Variants in DMD observed in about 807,000 individuals in gnomAD.
DMD encodes the protein mutant dystrophin.
DMD carries 63 observed loss-of-function variants against 330.1 expected under a neutral mutation model. The observed-to-expected ratio is 0.19, with a 90% CI of 0.16 to 0.24. DMD has a LOEUF of 0.24. Among genes scored for constraint, DMD ranks in the 10% least tolerant of loss-of-function variants. DMD has a pLI of 1.00. For synonymous variants in DMD, 1,223 were observed against 959.8 expected, an observed-to-expected ratio of 1.27 and a Z score of -5.07; for missense variants, 3,344 against 2,684.1, an observed-to-expected ratio of 1.25 and a Z score of -5.43.
intron 2 of DMD, among the ~76,000 whole-genome samples, chrX:32,916,063 A>T (rs1219118260): frequency 9.0e-6 from 1 of 111,443 alleles, no homozygotes; most frequent in Non-Finnish European, 1.9e-5. Flanking sequence ...TACTTCTAGT[A>T]TTCAGAAGAG....
chrX:32,528,842 A>G (rs1372533184), intron 17 of DMD, among the ~76,000 whole-genome samples: 2 of 107,046 alleles, frequency 1.9e-5, no homozygotes, highest in Non-Finnish European at 3.9e-5. Context: ...AAATTTACCT[A>G]CAGCCTGGAA....
chrX:31,432,629 T>C (rs1182177883), intron 60 of DMD, among the ~76,000 whole-genome samples: 1 of 111,633 alleles, frequency 9.0e-6, no homozygotes, highest in African/African-American at 3.3e-5. Flanking sequence ...CAAATGCCTT[T>C]ATTAGAATAA....
chrX:33,054,401 A>G (rs1463462574), intron 1 of DMD, among the ~76,000 whole-genome samples: 1 of 112,094 alleles, frequency 8.9e-6, no homozygotes, highest in African/African-American at 3.2e-5. Context: ...ACTGATCACA[A>G]TAGACTTTGT....
At chrX:33,113,080 T>C (rs1283706943) in intron 1 of DMD, among the ~76,000 whole-genome samples, 1 of 105,834 alleles carries the variant, frequency 9.4e-6, no homozygotes, top group Non-Finnish European at 1.9e-5. Context: ...TGAGATGGAA[T>C]TTTGCTCTTG....
chrX:33,057,918 A>G (rs921387489), intron 1 of DMD, among the ~76,000 whole-genome samples: 3 of 111,779 alleles, frequency 2.7e-5, no homozygotes, highest in Non-Finnish European at 5.6e-5. Flanking sequence ...TCGCTCTGTC[A>G]CCCAGGCTGA....
chrX:32,376,173 C>A (rs866197436), intron 34 of DMD, among the ~76,000 whole-genome samples: 1 of 111,203 alleles, frequency 9.0e-6, no homozygotes, highest in African/African-American at 3.3e-5. Context: ...CCCAGCTACC[C>A]GGGAGGCTGG....
intron 2 of DMD, among the ~76,000 whole-genome samples, chrX:32,877,369 T>A (rs1475683010): frequency 8.9e-6 from 1 of 112,764 alleles, no homozygotes; most frequent in Non-Finnish European, 1.9e-5. Flanking sequence ...GAAGCAGGAA[T>A]GCTAACATTT....
chrX:31,346,579 A>G (rs994017756), intron 61 of DMD, among the ~76,000 whole-genome samples: 1 of 111,506 alleles, frequency 9.0e-6, no homozygotes, highest in Non-Finnish European at 1.9e-5. Context: ...TTTAATATGC[A>G]ATATTGTATA....
chrX:32,879,191 C>G (rs1426282779), intron 2 of DMD, among the ~76,000 whole-genome samples: 2 of 110,963 alleles, frequency 1.8e-5, no homozygotes, highest in Non-Finnish European at 3.8e-5. Context: ...AGTCTACTAT[C>G]TTCCTTTTGG....
At chrX:32,135,660 C>G (rs1370814219) in intron 44 of DMD, among the ~76,000 whole-genome samples, 1 of 112,169 alleles carries the variant, frequency 8.9e-6, no homozygotes, top group Non-Finnish European at 1.9e-5. Context: ...ATGGTTGAGG[C>G]AGTGAGCCAT....
chrX:31,341,883 G>GCACACACACACACA (rs1556527128), intron 61 of DMD, among the ~76,000 whole-genome samples: 3 of 53,398 alleles, frequency 5.6e-5, no homozygotes, highest in African/African-American at 2.2e-4. Flanking sequence ...GCGCGTGCGT[G>GCACACACACACACA]CGCGCGCGCA....
At chrX:32,407,685 G>T (rs2098123933) in intron 30 of DMD, among the ~76,000 whole-genome samples, 2 of 110,280 alleles carry the variant, frequency 1.8e-5, no homozygotes, top group African/African-American at 3.3e-5. Context: ...TATGTTTATT[G>T]CGGCACTATT....
At chrX:32,677,673 A>T (rs1052324918) in intron 9 of DMD, among the ~76,000 whole-genome samples, 1 of 111,569 alleles carries the variant, frequency 9.0e-6, no homozygotes, top group Non-Finnish European at 1.9e-5. Context: ...TAATATTTAC[A>T]TGTTTACTTT....
intron 3 of DMD, among the ~76,000 whole-genome samples, chrX:32,846,879 T>C (rs989206181): frequency 9.1e-6 from 1 of 109,719 alleles, no homozygotes; most frequent in African/African-American, 3.3e-5. Context: ...TGATGGAACA[T>C]GCCTGTAGTC....
At chrX:32,637,949 T>A (rs1055657285) in intron 11 of DMD, among the ~76,000 whole-genome samples, 1 of 112,232 alleles carries the variant, frequency 8.9e-6, no homozygotes, top group Non-Finnish European at 1.9e-5. Context: ...GGCTCTCTCA[T>A]TTCTGTGAAT....
chrX:32,810,309 G>C (rs760384594), intron 6 of DMD, among the ~76,000 whole-genome samples: 1 of 111,493 alleles, frequency 9.0e-6, no homozygotes, highest in East Asian at 2.8e-4. Flanking sequence ...CCATTTACTG[G>C]TAATGCCCAG....
chrX:31,476,324 G>GTA (rs2067740650), intron 59 of DMD, among the ~76,000 whole-genome samples: 1 of 103,128 alleles, frequency 9.7e-6, no homozygotes, highest in Non-Finnish European at 2.0e-5. Flanking sequence ...ATATCTATGT[G>GTA]TATATATATG....
intron 1 of DMD, among the ~76,000 whole-genome samples, chrX:33,310,219 T>C (rs2053829149): frequency 9.0e-6 from 1 of 111,717 alleles, no homozygotes; most frequent in Non-Finnish European, 1.9e-5. Flanking sequence ...ATTTATTCTG[T>C]ATAAACCGTA....
At chrX:31,662,528 C>T (rs2081187093) in intron 53 of DMD, among the ~76,000 whole-genome samples, 1 of 111,929 alleles carries the variant, frequency 8.9e-6, no homozygotes, top group Non-Finnish European at 1.9e-5. Flanking sequence ...GTTAAATTTC[C>T]TTTTAAAATG....
Sources: allele counts gnomAD v4.1 joint callset (sites outside exome capture counted in the v4.1 genomes callset), GRCh38; gene constraint gnomAD v4.1.1; transcripts MANE v1.5; gene names NCBI Gene and HGNC (gene_info 2026-07-23, HGNC 2026-07-21).